PIKFYVE: variants seen among roughly 807,000 people sequenced by gnomAD.
The protein encoded by PIKFYVE is phosphoinositide kinase, FYVE-type zinc finger containing.
In PIKFYVE, 122 loss-of-function variants were observed where a neutral mutation model predicts 257.9. That is an observed-to-expected ratio of 0.47 (90% CI 0.41 to 0.55). The LOEUF (loss-of-function observed/expected upper bound fraction) is 0.55, where lower values mean the gene tolerates loss of function less well. PIKFYVE is among the 20% of genes least tolerant of loss of function. The pLI, the probability that PIKFYVE is intolerant of heterozygous loss-of-function variation, is 0.00. For missense variants in PIKFYVE, 2,160 were observed against 2,536.6 expected (o/e 0.85, Z 3.19); for synonymous variants, 892 against 868.9 (o/e 1.03, Z -0.47).
chr2:208,283,231 A>C (rs1220395154), intron 5 of PIKFYVE, among the ~76,000 whole-genome samples: 1 of 152,216 alleles, frequency 6.6e-6, no homozygotes, highest in Non-Finnish European at 1.5e-5. Context: ...ACAGTAAACT[A>C]TTGTTATTGA....
At chr2:208,268,065 T>G (rs1688904704) in intron 1 of PIKFYVE, among the ~76,000 whole-genome samples, 1 of 152,222 alleles carries the variant, frequency 6.6e-6, no homozygotes. Context: ...TAGGACTGAT[T>G]ACCACTCAGG....
chr2:208,305,302 G>C, intron 12 of PIKFYVE: 1 of 1,277,690 alleles, frequency 7.8e-7, no homozygotes, highest in East Asian at 3.8e-5. Flanking sequence ...CAACTTCCAA[G>C]GTGGCATTTC....
At chr2:208,285,483 C>G (rs1211997840) in intron 5 of PIKFYVE, among the ~76,000 whole-genome samples, 1 of 151,086 alleles carries the variant, frequency 6.6e-6, no homozygotes. Flanking sequence ...CTTTTTTTTT[C>G]TTTTAACTTC....
At chr2:208,267,808 T>C (rs551288613) in intron 1 of PIKFYVE, among the ~76,000 whole-genome samples, 7 of 152,152 alleles carry the variant, frequency 4.6e-5, no homozygotes, top group African/African-American at 1.2e-4. Context: ...GGCGGGGGTC[T>C]CCCTCCCTCG....
rs1359051389 is a variant in PIKFYVE at position 208,357,570 on chromosome 2, C to T, written c.*2265C>T. The T allele has an allele frequency of 6.6e-6, 1 of 151,462 alleles. No homozygotes were observed. Among genetic ancestry groups the T allele is most frequent in the Non-Finnish European group, 1.5e-5 (1 of 67,996 alleles). The allele number at this position is 151,462 out of a possible 1,614,324, so 9.4% of individuals were successfully genotyped here. A position where few individuals can be genotyped will look rare whatever the true frequency, so the allele number is the denominator to read the frequency against. ...ATTTTCAATATAATACATTCTGAAA[C>T]AATAGTTGCTGCCTTGCAAAGGTAA... On this transcript the variant is annotated 3_prime_UTR_variant, in exon 42 of 42. Coordinates refer to ENST00000264380, the MANE Select transcript of PIKFYVE (RefSeq NM_015040.4).
rs1306524553 is a variant in PIKFYVE at position 208,300,945 on chromosome 2, G to T, written c.1059G>T (p.Val353=). The change falls in exon 9 of 42, where the codon GTG becomes GTT. Residue 353 remains valine (V), a synonymous_variant. Coordinates refer to ENST00000264380, the MANE Select transcript of PIKFYVE (RefSeq NM_015040.4). The part of the protein sequence containing the change: ...EDERKILLDS[V]QLKDLWKKIC... The stretch of plus-strand genomic sequence containing the variant: ...TGTTAATGTGATTGCAGGACAGTGT[G>T]CAGTTAAAAGACCTGTGGAAAAAAA... The T allele has an allele frequency of 6.2e-7, 1 of 1,614,038 alleles. No individual in the cohort carries two copies. The highest frequency in any genetic ancestry group is 8.5e-7 in the Non-Finnish European group (1 of 1,179,978).
chr2:208,345,690 CATT>C (rs1699162933), intron 33 of PIKFYVE, among the ~76,000 whole-genome samples: 1 of 152,090 alleles, frequency 6.6e-6, no homozygotes, highest in Admixed American at 6.5e-5. Flanking sequence ...TCTCTACTAA[CATT>C]ATAGTTTTAT....
chr2:208,349,341 A>G (rs909454877), intron 35 of PIKFYVE, among the ~76,000 whole-genome samples: 10 of 152,074 alleles, frequency 6.6e-5, no homozygotes, highest in African/African-American at 2.4e-4. Context: ...GTTCTTCTAG[A>G]TATTAAGATG....
intron 17 of PIKFYVE, among the ~76,000 whole-genome samples, chr2:208,321,724 C>T (rs1696263118): frequency 6.6e-6 from 1 of 151,966 alleles, no homozygotes; most frequent in African/African-American, 2.4e-5. Flanking sequence ...ATTACAGGTG[C>T]CTGCCACCAT....
At chr2:208,290,031 G>T (rs962290147) in intron 7 of PIKFYVE, among the ~76,000 whole-genome samples, 1 of 152,164 alleles carries the variant, frequency 6.6e-6, no homozygotes, top group Non-Finnish European at 1.5e-5. Context: ...TTCCCCTATA[G>T]CCCCTGTCCC....
chr2:208,301,194 G>T, intron 9 of PIKFYVE, 100 bp downstream of exon 9: 1 of 1,440,144 alleles, frequency 6.9e-7, no homozygotes, highest in South Asian at 1.2e-5. Flanking sequence ...TAGAGTTAGG[G>T]TGCTCTTTGT....
intron 13 of PIKFYVE, among the ~76,000 whole-genome samples, chr2:208,312,755 C>A (rs910088407): frequency 7.6e-6 from 1 of 131,918 alleles, no homozygotes; most frequent in African/African-American, 2.7e-5. Flanking sequence ...TGATAAATTT[C>A]TTTTGGACAC....
At chr2:208,270,203 A>G (rs761890294) in intron 1 of PIKFYVE, among the ~76,000 whole-genome samples, 2 of 151,572 alleles carry the variant, frequency 1.3e-5, no homozygotes, top group Non-Finnish European at 2.9e-5. Flanking sequence ...CACCATGTCC[A>G]GCTAATTTTT....
In PIKFYVE at chr2:208,357,549, T is replaced by C. The variant is rs1293848042; in HGVS notation, c.*2244T>C. 6.6e-6 allele frequency: 1 copy of C among 152,216 alleles called. No individual in the cohort carries two copies. Among genetic ancestry groups the C allele is most frequent in the Non-Finnish European group, 1.5e-5 (1 of 68,038 alleles). The allele number at this position is 152,216 out of a possible 1,614,324, so 9.4% of individuals were successfully genotyped here. On this transcript the variant is annotated 3_prime_UTR_variant, in exon 42 of 42. Transcript: ENST00000264380. The stretch of plus-strand genomic sequence containing the variant: ...GTAGGTAACTTTGTGGCAAAAATTT[T>C]CAATATAATACATTCTGAAACAATA...
chr2:208,271,762 C>A, intron 2 of PIKFYVE, 71 bp downstream of exon 2: 1 of 1,444,178 alleles, frequency 6.9e-7, no homozygotes. Flanking sequence ...TCTCCAGTGG[C>A]TCACCATGAT....
chr2:208,353,207 G>C (rs1699927300), intron 39 of PIKFYVE, among the ~76,000 whole-genome samples: 1 of 152,206 alleles, frequency 6.6e-6, no homozygotes, highest in Non-Finnish European at 1.5e-5. Flanking sequence ...TAAGGAACGT[G>C]TGCTAGAATG....
chr2:208,351,418 A>G lies in PIKFYVE; in HGVS notation c.5678A>G (p.His1893Arg). ...CAGTCCTTCCTCGACTTTGCACCAC[A>G]TTACTTCAATTATATTACAAATGCT... The part of the protein sequence containing the change: ...EVQSFLDFAP[H>R]YFNYITNAVQ... The change falls in exon 38 of 42, where the codon CAT becomes CGT. Residue 1893 changes from histidine (H) to arginine (R), a missense_variant. Physicochemically the swap from His to Arg is conservative, Grantham distance 29. This residue lies in a region of PIKFYVE where 699 missense variants were observed against 855.8 expected (regional missense o/e 0.82). Transcript: ENST00000264380. 6.2e-7 allele frequency: 1 copy of G among 1,612,914 alleles called. No individual in the cohort carries two copies. Among genetic ancestry groups the G allele is most frequent in the South Asian group, 1.1e-5 (1 of 91,056 alleles).
At chr2:208,351,044 A>C in intron 37 of PIKFYVE, 97 bp downstream of exon 37, 1 of 1,477,256 alleles carries the variant, frequency 6.8e-7, no homozygotes, top group Non-Finnish European at 9.3e-7. Context: ...AAGAACTTTC[A>C]TAACTATGAC....
chr2:208,317,307 A>C (rs1164735173), intron 15 of PIKFYVE, among the ~76,000 whole-genome samples: 1 of 152,242 alleles, frequency 6.6e-6, no homozygotes, highest in East Asian at 1.9e-4. Flanking sequence ...ACCCCATCAA[A>C]AAGTGGGCAA....
Sources: allele counts gnomAD v4.1 joint callset (sites outside exome capture counted in the v4.1 genomes callset), GRCh38; gene constraint gnomAD v4.1.1; regional missense constraint gnomAD v4.1.1; transcripts MANE v1.5; gene names NCBI Gene and HGNC (gene_info 2026-07-23, HGNC 2026-07-21).